The following NALCN variants were observed in gnomAD, a reference collection of about 807,000 sequenced individuals.
NALCN encodes the protein sodium leak channel NALCN.
In NALCN, 111 loss-of-function variants were observed where a neutral mutation model predicts 225.3. That is an observed-to-expected ratio of 0.49 (90% CI 0.42 to 0.58). NALCN has a LOEUF of 0.58. Ranked by LOEUF, NALCN falls within the 20% of genes least tolerant of loss-of-function variation. The pLI, the probability that NALCN is intolerant of heterozygous loss-of-function variation, is 0.00. For synonymous variants in NALCN, 764 were observed against 769.0 expected (o/e 0.99, Z 0.11); for missense variants, 1,378 against 2,202.4 (o/e 0.63, Z 7.49).
At chr13:101,238,005 A>T (rs1248844064) in intron 11 of NALCN, 83 bp from the exon 12 acceptor site, 5 of 1,342,096 alleles carry the variant, frequency 3.7e-6, no homozygotes, top group Non-Finnish European at 5.2e-6. Context: ...CAGTGTATGA[A>T]TTTTTGCCAC....
chr13:101,128,938 A>G (rs1428300985), intron 17 of NALCN, among the ~76,000 whole-genome samples: 2 of 152,046 alleles, frequency 1.3e-5, no homozygotes, highest in Non-Finnish European at 2.9e-5. Context: ...TATTTTCTGA[A>G]AATCGGCAGC....
intron 10 of NALCN, among the ~76,000 whole-genome samples, chr13:101,271,385 G>C (rs1164036922): frequency 1.3e-5 from 2 of 151,968 alleles, no homozygotes; most frequent in Non-Finnish European, 2.9e-5. Flanking sequence ...TCTCTGTTTA[G>C]TTTATTTGGC....
intron 10 of NALCN, among the ~76,000 whole-genome samples, chr13:101,280,999 G>T (rs922185570): frequency 6.6e-6 from 1 of 150,944 alleles, no homozygotes; most frequent in Non-Finnish European, 1.5e-5. Flanking sequence ...TTGTGCCTTA[G>T]CCTCCCAAGT....
intron 13 of NALCN, among the ~76,000 whole-genome samples, chr13:101,225,144 T>C (rs193234004): frequency 4.6e-5 from 7 of 152,290 alleles, no homozygotes; most frequent in African/African-American, 1.7e-4. Context: ...ATCTCTACTA[T>C]AGTGGGTGTC....
chr13:101,331,069 G>C (rs917063834), intron 7 of NALCN, among the ~76,000 whole-genome samples: 6 of 152,212 alleles, frequency 3.9e-5, no homozygotes, highest in South Asian at 4.1e-4. Context: ...ACGAGTATCA[G>C]TAAGAACGGC....
rs377672696 is a variant in NALCN, at chr13:101,368,092, T to C, written c.644+8608A>G. On this transcript the variant is annotated intron_variant, in intron 6 of 43. Transcript: ENST00000251127. ...TATGTATACATGTGCCATGCTGGTG[T>C]GCTGTACCCATTAACTCATCATTTA... Among the ~76,000 whole-genome samples the C allele has an allele frequency of 8.7e-4, 132 of 151,660 alleles. No individual in the cohort carries two copies. In the Middle Eastern group the frequency reaches 0.01, roughly 12 times the overall value.
intron 7 of NALCN, among the ~76,000 whole-genome samples, chr13:101,312,828 C>A (rs916937073): frequency 1.3e-5 from 2 of 152,100 alleles, no homozygotes; most frequent in African/African-American, 4.8e-5. Context: ...CTGGAAAAAA[C>A]TACTTTAAAG....
At chr13:101,168,732 T>A (rs531153907) in intron 15 of NALCN, among the ~76,000 whole-genome samples, 1 of 152,348 alleles carries the variant, frequency 6.6e-6, no homozygotes, top group African/African-American at 2.4e-5. Context: ...GTGGCATCAA[T>A]ACCATCAGAA....
At chr13:101,209,615 A>G (rs1220967586) in intron 13 of NALCN, among the ~76,000 whole-genome samples, 1 of 152,192 alleles carries the variant, frequency 6.6e-6, no homozygotes, top group Non-Finnish European at 1.5e-5. Flanking sequence ...ATTTCTTTTT[A>G]TTTATTGTTG....
intron 1 of NALCN, among the ~76,000 whole-genome samples, chr13:101,401,674 C>T (rs2047483046): frequency 6.6e-6 from 1 of 151,956 alleles, no homozygotes; most frequent in Non-Finnish European, 1.5e-5. Context: ...TATATCTGAC[C>T]AACCAAAATA....
intron 40 of NALCN, among the ~76,000 whole-genome samples, chr13:101,064,112 T>C (rs2032177330): frequency 6.6e-6 from 1 of 152,218 alleles, no homozygotes; most frequent in African/African-American, 2.4e-5. Flanking sequence ...TCAGAAGCAC[T>C]GGTGAGCATA....
chr13:101,090,068 G>T, intron 28 of NALCN, 102 bp from the exon 29 acceptor site: 8 of 1,537,838 alleles, frequency 5.2e-6, no homozygotes, highest in Non-Finnish European at 7.1e-6. Flanking sequence ...ATATGTGTGT[G>T]TGTGTGTATA....
intron 6 of NALCN, among the ~76,000 whole-genome samples, chr13:101,375,347 A>C (rs187155563): frequency 9.8e-4 from 149 of 152,306 alleles, no homozygotes; most frequent in African/African-American, 3.3e-3. Flanking sequence ...GGAGTAACCT[A>C]AATAATTTAT....
chr13:101,080,204 T>C (rs1397294275), intron 34 of NALCN, among the ~76,000 whole-genome samples: 1 of 152,052 alleles, frequency 6.6e-6, no homozygotes, highest in African/African-American at 2.4e-5. Flanking sequence ...GGCTGGAAAA[T>C]GGTGGAACCT....
chr13:101,255,800 C>A (rs2042211234), intron 11 of NALCN, among the ~76,000 whole-genome samples: 1 of 152,170 alleles, frequency 6.6e-6, no homozygotes, highest in Non-Finnish European at 1.5e-5. Flanking sequence ...ACATGAGTTA[C>A]CCCTGCAGCC....
At chr13:101,172,650 C>T (rs2038780914) in intron 15 of NALCN, among the ~76,000 whole-genome samples, 1 of 152,192 alleles carries the variant, frequency 6.6e-6, no homozygotes, top group African/African-American at 2.4e-5. Flanking sequence ...AGCTCCGCCT[C>T]CCGGGTTTAC....
At chr13:101,344,457 C>T (rs79736847) in intron 7 of NALCN, among the ~76,000 whole-genome samples, 3,078 of 152,166 alleles carry the variant, frequency 0.02, 110 homozygotes, top group African/African-American at 0.07. Context: ...GTACTATATT[C>T]TATATAAAAG....
At chr13:101,202,240 T>C (rs2040150225) in intron 13 of NALCN, among the ~76,000 whole-genome samples, 1 of 152,218 alleles carries the variant, frequency 6.6e-6, no homozygotes, top group South Asian at 2.1e-4. Context: ...ATGTTGGGGT[T>C]ACATTTCTAA....
At chr13:101,348,070 C>T (rs1159247466) in intron 6 of NALCN, among the ~76,000 whole-genome samples, 1 of 152,130 alleles carries the variant, frequency 6.6e-6, no homozygotes, top group Non-Finnish European at 1.5e-5. Flanking sequence ...GAAGGGTCTA[C>T]TAGCCCATCA....
Sources: gnomAD v4.1 joint callset for allele counts (sites outside exome capture counted in the v4.1 genomes callset) on GRCh38, gnomAD v4.1.1 for gene constraint, MANE v1.5 for transcripts, NCBI Gene and HGNC (gene_info 2026-07-23, HGNC 2026-07-21) for gene names.